AKAP13: variants seen among roughly 807,000 people sequenced by gnomAD.
AKAP13 encodes A-kinase anchoring protein 13.
In AKAP13, 80 loss-of-function variants were observed where a neutral mutation model predicts 264.5. The observed-to-expected ratio is 0.30, with a 90% confidence interval of 0.25 to 0.36. The LOEUF is 0.36. Among genes scored for constraint, AKAP13 ranks in the 10% least tolerant of loss-of-function variants. AKAP13 has a pLI of 1.00. For missense variants in AKAP13, 3,712 were observed against 3,435.2 expected (o/e 1.08, Z -2.01); for synonymous variants, 1,380 against 1,250.2 (o/e 1.10, Z -2.19).
At chr15:85,672,357 T>C (rs1380995071) in intron 14 of AKAP13, among the ~76,000 whole-genome samples, 1 of 152,228 alleles carries the variant, frequency 6.6e-6, no homozygotes, top group Non-Finnish European at 1.5e-5. Context: ...TTCCCACCTG[T>C]ATTTGTTATT....
rs1015691548 is a variant in AKAP13, at chr15:85,579,811, A to G, written c.1743A>G (p.Pro581=). The G allele has an allele frequency of 8.7e-6, 14 of 1,614,126 alleles. No homozygotes were observed. Among genetic ancestry groups the G allele is most frequent in the Non-Finnish European group, 1.1e-5 (13 of 1,180,052 alleles). The change falls in exon 7 of 37, where the codon CCA becomes CCG. Residue 581 remains proline, a synonymous_variant. Transcript: ENST00000394518. ...GTCGTGAGGAGAGTGCTGATGCTCC[A>G]GTAGATCAGAATTCTGTGGTGATTC... ...SRSREESADA[P]VDQNSVVIPA...
At chr15:85,640,930 C>T (rs1056144432) in intron 9 of AKAP13, among the ~76,000 whole-genome samples, 1 of 152,124 alleles carries the variant, frequency 6.6e-6, no homozygotes, top group African/African-American at 2.4e-5. Context: ...ACCTACTGTA[C>T]ACCCTAACCC....
intron 5 of AKAP13, among the ~76,000 whole-genome samples, chr15:85,569,441 TTTTTC>T (rs1309770110): frequency 7.6e-6 from 1 of 132,224 alleles, no homozygotes; most frequent in Non-Finnish European, 1.7e-5. Context: ...TCAACATATT[TTTTTC>T]TTTTCTTTTT....
chr15:85,571,374 T>C (rs1394078633), intron 5 of AKAP13, among the ~76,000 whole-genome samples: 4 of 152,330 alleles, frequency 2.6e-5, no homozygotes, highest in African/African-American at 9.6e-5. Context: ...AGTCTATAGA[T>C]CTGTTCTTTA....
chr15:85,715,047 C>T (rs182111624), intron 19 of AKAP13, among the ~76,000 whole-genome samples: 38 of 152,250 alleles, frequency 2.5e-4, no homozygotes, highest in Admixed American at 1.6e-3. Context: ...TCTTTATCCC[C>T]GTTGCCTGTC....
rs2089331579 is a variant in AKAP13 at position 85,745,169 on chromosome 15, G to A, written c.*492G>A. 1.9e-5 allele frequency: 3 copies of A among 154,140 alleles called. No homozygotes were observed. Among genetic ancestry groups the A allele is most frequent in the Admixed American group, 1.3e-4 (2 of 15,742 alleles). 9.5% of individuals were successfully genotyped at this position (154,140 alleles called of 1,614,324 possible). A position where few individuals can be genotyped will look rare whatever the true frequency, so the allele number is the denominator to read the frequency against. On this transcript the variant is annotated 3_prime_UTR_variant, in exon 37 of 37. Transcript: ENST00000394518. ...AGGCCCAGTCTGCACCAGGCGTCTG[G>A]TCAACTTAGCACAAGGGCAGTGCCT...
At chr15:85,637,383 G>A (rs1214770842) in intron 8 of AKAP13, among the ~76,000 whole-genome samples, 1 of 152,170 alleles carries the variant, frequency 6.6e-6, no homozygotes, top group African/African-American at 2.4e-5. Flanking sequence ...AGTTTGCATA[G>A]TGTCATGGAA....
At chr15:85,660,120 A>G (rs561059087) in intron 12 of AKAP13, among the ~76,000 whole-genome samples, 4 of 152,216 alleles carry the variant, frequency 2.6e-5, no homozygotes, top group Admixed American at 2.6e-4. Context: ...TGGGAGGCTG[A>G]GCCAGATGGA....
At chr15:85,741,565 G>T (rs990812713) in intron 35 of AKAP13, 70 bp downstream of exon 35, 1 of 1,483,716 alleles carries the variant, frequency 6.7e-7, no homozygotes, top group African/African-American at 1.4e-5. Flanking sequence ...ATTAAGCAAG[G>T]TAAGAAAGTG....
chr15:85,437,656 T>C (rs1055467445), intron 1 of AKAP13, among the ~76,000 whole-genome samples: 1 of 152,206 alleles, frequency 6.6e-6, no homozygotes, highest in Non-Finnish European at 1.5e-5. Flanking sequence ...GATGCAAGGC[T>C]GGTTCAATAT....
intron 2 of AKAP13, among the ~76,000 whole-genome samples, chr15:85,500,903 G>A (rs899369983): frequency 2.6e-5 from 4 of 152,314 alleles, no homozygotes; most frequent in Admixed American, 2.6e-4. Context: ...GCATCTGGCG[G>A]CTGGGGTGGA....
chr15:85,399,523 T>TAAAAAAAAAAAAAA (rs1367253621), intron 1 of AKAP13, among the ~76,000 whole-genome samples: 1 of 78,030 alleles, frequency 1.3e-5, no homozygotes, highest in Non-Finnish European at 2.7e-5. Context: ...AAAAAAAAAA[T>TAAAAAAAAAAAAAA]AAAAAAATAA....
intron 2 of AKAP13, chr15:85,520,597 T>C (rs1448372374): frequency 5.9e-6 from 3 of 510,986 alleles, no homozygotes; most frequent in Non-Finnish European, 7.8e-6. Flanking sequence ...TCAAGATTTT[T>C]GTCTGATTTT....
intron 1 of AKAP13, chr15:85,415,250 A>G (rs551508394): frequency 6.4e-7 from 1 of 1,568,206 alleles, no homozygotes; most frequent in Non-Finnish European, 8.7e-7. Context: ...AGCAGCTGGA[A>G]GGAAGATGGC....
At chr15:85,550,057 C>G (rs1327532984) in intron 5 of AKAP13, among the ~76,000 whole-genome samples, 1 of 152,150 alleles carries the variant, frequency 6.6e-6, no homozygotes, top group Non-Finnish European at 1.5e-5. Flanking sequence ...TCTGGGATTA[C>G]AGGTGCACGC....
At chr15:85,390,260 G>T (rs1433041476) in intron 1 of AKAP13, among the ~76,000 whole-genome samples, 3 of 152,218 alleles carry the variant, frequency 2.0e-5, no homozygotes. Flanking sequence ...ATGTCTGGTG[G>T]TGATGATTCT....
rs1461751007 is a variant in AKAP13 at position 85,513,826 on chromosome 15, G to C, written c.34-7602G>C. 3.4e-5 allele frequency among the ~76,000 whole-genome samples: 3 copies of C among 88,450 alleles called. 1 individual carries two copies. Among genetic ancestry groups the C allele is most frequent in the Non-Finnish European group, 6.8e-5 (3 of 44,036 alleles). The allele number at this position is 88,450 out of a possible 152,430, so 58.0% of individuals were successfully genotyped here. Reference sequence around the variant, plus strand: ...GCCCTCTCCTCTTGCTTAATAGACTGTTTCTCATTGTCCGACGTTTCCTTG... The same window carrying C: ...GCCCTCTCCTCTTGCTTAATAGACTCTTTCTCATTGTCCGACGTTTCCTTG... On this transcript the variant is annotated intron_variant, in intron 2 of 36. Coordinates refer to ENST00000394518, the MANE Select transcript of AKAP13 (RefSeq NM_007200.5).
Position 85,741,107 on chromosome 15 carries a change from C to T in AKAP13, c.7670C>T (p.Ala2557Val), listed in dbSNP as rs1236425337. The part of the protein sequence containing the change: ...EDQKLVLSER[A>V]LTRSLSRPSS... ...CAGAAACTGGTGCTGAGCGAGAGGG[C>T]GCTCACTCGCAGCTTGTCCCGCCCG... The change falls in exon 35 of 37, where the codon GCG (alanine) becomes GTG (valine). Residue 2557 changes from alanine (A) to valine (V), a missense_variant. By Grantham distance (64) the Ala-to-Val change is moderately conservative. Coordinates refer to ENST00000394518, the MANE Select transcript of AKAP13 (RefSeq NM_007200.5). The T allele has an allele frequency of 4.3e-6, 7 of 1,613,602 alleles. No individual in the cohort carries two copies. The highest frequency in any genetic ancestry group is 1.1e-5 in the South Asian group (1 of 91,066).
intron 1 of AKAP13, among the ~76,000 whole-genome samples, chr15:85,398,668 G>C (rs1165457115): frequency 1.3e-5 from 2 of 152,122 alleles, no homozygotes; most frequent in Non-Finnish European, 2.9e-5. Context: ...CAACTCTCCT[G>C]CCTCAGCCTC....
Sources: gnomAD v4.1 joint callset for allele counts (sites outside exome capture counted in the v4.1 genomes callset) on GRCh38, gnomAD v4.1.1 for gene constraint, MANE v1.5 for transcripts, NCBI Gene and HGNC (gene_info 2026-07-23, HGNC 2026-07-21) for gene names.